The following MYH15 variants were observed in gnomAD, a reference collection of about 807,000 sequenced individuals.
MYH15 encodes the protein myosin heavy chain 15.
MYH15 carries 227 observed loss-of-function variants against 240.5 expected under a neutral mutation model. The observed-to-expected ratio is 0.94, with a 90% CI of 0.85 to 1.05. The LOEUF (loss-of-function observed/expected upper bound fraction) is 1.05. MYH15 is among the 50% of genes least tolerant of loss of function. The pLI is 0.00. For synonymous variants in MYH15, 785 were observed against 796.7 expected (o/e 0.99, Z 0.25); for missense variants, 2,217 against 2,247.5 (o/e 0.99, Z 0.27).
chr3:108,547,288 G>A, the MYH15 span, among the ~76,000 whole-genome samples: 1 of 152,036 alleles, frequency 6.6e-6, no homozygotes, highest in Non-Finnish European at 1.5e-5. Flanking sequence ...GGCATGAGCA[G>A]TGACCAAGTT....
intron 33 of MYH15, among the ~76,000 whole-genome samples, 190 bp from the exon 34 acceptor site, chr3:108,399,457 A>G (rs2082488127): frequency 6.6e-6 from 1 of 152,270 alleles, no homozygotes; most frequent in Non-Finnish European, 1.5e-5. Flanking sequence ...GTTAGTGAGT[A>G]TATGTCCACC....
At chr3:108,479,192 T>G (rs2083245444) in intron 11 of MYH15, among the ~76,000 whole-genome samples, 1 of 152,220 alleles carries the variant, frequency 6.6e-6, no homozygotes, top group South Asian at 2.1e-4. Flanking sequence ...TGTGTAAACA[T>G]ATTTTAATCA....
At chr3:108,538,216 A>G in the MYH15 span, among the ~76,000 whole-genome samples, 24 of 152,286 alleles carry the variant, frequency 1.6e-4, no homozygotes, top group East Asian at 9.7e-4. Flanking sequence ...TGATGGCTTA[A>G]TATCAGAAGC....
chr3:108,391,567 C>T (rs1364331576), intron 37 of MYH15, among the ~76,000 whole-genome samples, 193 bp downstream of exon 37: 1 of 152,136 alleles, frequency 6.6e-6, no homozygotes, highest in Non-Finnish European at 1.5e-5. Flanking sequence ...AAGGAAAGTC[C>T]TATGTGCTCA....
At position 108,476,156 on chromosome 3, in the gene MYH15, G is replaced by A. The variant is rs557657071; in HGVS notation, c.1233+241C>T. On this transcript the variant is annotated intron_variant, in intron 12 of 40. Coordinates refer to ENST00000693548, the MANE Select transcript of MYH15 (RefSeq NM_014981.3). ...ACAAGTGGAGGGTTTGTCTGCATCT[G>A]CAAAGATACTTGCTACCTAAGGGAA... 2.6e-5 allele frequency among the ~76,000 whole-genome samples: 4 copies of A among 152,262 alleles called. No individual in the cohort carries two copies. The South Asian group carries it at 8.3e-4, about 32-fold the overall frequency.
chr3:108,535,943 T>C, the MYH15 span, among the ~76,000 whole-genome samples: 2 of 152,184 alleles, frequency 1.3e-5, no homozygotes, highest in African/African-American at 2.4e-5. Context: ...TTTGTTGTTT[T>C]TGTTGCTGAA....
At chr3:108,439,957 A>G in intron 23 of MYH15, 44 bp from the exon 24 acceptor site, 1 of 1,486,584 alleles carries the variant, frequency 6.7e-7, no homozygotes. Flanking sequence ...ACTGCTGGAA[A>G]GTTGGGCATA....
upstream of MYH15, chr3:108,510,597 A>T: frequency 6.3e-7 from 1 of 1,597,440 alleles, no homozygotes; most frequent in African/African-American, 1.4e-5. Flanking sequence ...CCTGAAAAAA[A>T]AAAATTGATA....
At chr3:108,486,976 GT>G (rs1228444723) in intron 9 of MYH15, among the ~76,000 whole-genome samples, 2 of 152,202 alleles carry the variant, frequency 1.3e-5, no homozygotes, top group Non-Finnish European at 2.9e-5. Flanking sequence ...AGAAGCTGGG[GT>G]CAGCGCCCAG....
intron 6 of MYH15, among the ~76,000 whole-genome samples, chr3:108,496,996 CT>C (rs1222836499): frequency 6.6e-6 from 1 of 151,112 alleles, no homozygotes; most frequent in East Asian, 1.9e-4. Flanking sequence ...CCCGTCTCTA[CT>C]AAAAATACAA....
intron 3 of MYH15, 139 bp downstream of exon 3, chr3:108,501,573 T>C: frequency 5.8e-6 from 6 of 1,043,132 alleles, no homozygotes; most frequent in Middle Eastern, 3.1e-4. Context: ...TAAGATAAGG[T>C]CCCTTCCCAG....
In MYH15 at chr3:108,384,760, A is replaced by T. The variant is rs779979246; in HGVS notation, c.5558T>A (p.Leu1853Gln). Residue 1853 changes from leucine (L) to glutamine (Q), a missense_variant, in exon 39 of 41, where the codon CTG becomes CAG. Coordinates refer to ENST00000693548, the MANE Select transcript of MYH15 (RefSeq NM_014981.3). The part of the protein sequence containing the change: ...TYQAEEDKKN[L>Q]SRMQTQMDKL... ...ATCCATCTGAGTTTGCATCCTGCTCAGATTCTTCTTGTCTTCCTCTGCCTG... is the reference window on the plus strand; with the variant it reads ...ATCCATCTGAGTTTGCATCCTGCTCTGATTCTTCTTGTCTTCCTCTGCCTG... 6.2e-7 allele frequency: 1 copy of T among 1,613,842 alleles called. No homozygotes were observed. The highest frequency in any genetic ancestry group is 8.5e-7 in the Non-Finnish European group (1 of 1,179,836).
chr3:108,444,916 G>C, intron 21 of MYH15, 21 bp from the exon 22 acceptor site: 1 of 1,585,836 alleles, frequency 6.3e-7, no homozygotes, highest in South Asian at 1.2e-5. Context: ...AAAGAAAAAA[G>C]AAAAGCAAGT....
At chr3:108,459,949 T>C (rs2083057135) in intron 17 of MYH15, among the ~76,000 whole-genome samples, 2 of 152,132 alleles carry the variant, frequency 1.3e-5, no homozygotes, top group African/African-American at 4.8e-5. Context: ...AATGCACCAA[T>C]TGCAGCATAG....
At chr3:108,540,464 T>G in the MYH15 span, among the ~76,000 whole-genome samples, 1 of 152,124 alleles carries the variant, frequency 6.6e-6, no homozygotes, top group Non-Finnish European at 1.5e-5. Flanking sequence ...TTAAAGCTAC[T>G]GAGATTTTAA....
At chr3:108,513,144 C>G (rs1559673761), upstream of MYH15, among the ~76,000 whole-genome samples, 1 of 152,080 alleles carries the variant, frequency 6.6e-6, no homozygotes, top group Non-Finnish European at 1.5e-5. Context: ...AAGAAGTAAA[C>G]AAATTAACCT....
intron 3 of MYH15, 117 bp from the exon 4 acceptor site, chr3:108,500,391 G>C: frequency 9.2e-7 from 1 of 1,091,220 alleles, no homozygotes; most frequent in South Asian, 1.8e-5. Context: ...AACTCAGAGG[G>C]GAGCTTTTGG....
chr3:108,543,582 T>C, the MYH15 span: 1 of 152,228 alleles, frequency 6.6e-6, no homozygotes, highest in African/African-American at 2.4e-5. Flanking sequence ...TGTTCTAATG[T>C]CTCCTTGGAT....
chr3:108,466,567 A>T (rs188687956), intron 14 of MYH15, among the ~76,000 whole-genome samples: 258 of 152,248 alleles, frequency 1.7e-3, no homozygotes, highest in African/African-American at 5.9e-3. Context: ...CCTTAGCCAA[A>T]CACCTTCCTT....
Sources: allele counts gnomAD v4.1 joint callset (sites outside exome capture counted in the v4.1 genomes callset), GRCh38; gene constraint gnomAD v4.1.1; transcripts MANE v1.5; gene names NCBI Gene and HGNC (gene_info 2026-07-23, HGNC 2026-07-21).